The following EIF2S3B variants were observed in gnomAD, a reference collection of about 807,000 sequenced individuals.
EIF2S3B encodes eukaryotic translation initiation factor 2 subunit 3B.
A neutral mutation model predicts 26.4 loss-of-function variants in EIF2S3B; 16 were observed. The observed-to-expected ratio is 0.61, with a 90% CI of 0.41 to 0.92. The LOEUF is 0.92. Ranked by LOEUF, EIF2S3B falls within the 40% of genes least tolerant of loss-of-function variation. The pLI, the probability that EIF2S3B is intolerant of heterozygous loss-of-function variation, is 0.00. For synonymous variants in EIF2S3B, 183 were observed against 204.4 expected, an observed-to-expected ratio of 0.90 and a Z score of 0.89; for missense variants, 510 against 575.5, an observed-to-expected ratio of 0.89 and a Z score of 1.16.
chr12:10,519,219 T>C (rs903314183), intron 1 of EIF2S3B, among the ~76,000 whole-genome samples: 3 of 152,178 alleles, frequency 2.0e-5, no homozygotes, highest in Non-Finnish European at 4.4e-5. Flanking sequence ...TCTACAACTA[T>C]CTGATCTTTG....
chr12:10,506,254 C>CCTA lies in EIF2S3B; in HGVS notation c.353_354insTAC (p.Pro118_Gly119insThr), dbSNP rs771288196. The CCTA allele has an allele frequency of 6.2e-7, 1 of 1,611,170 alleles. No individual in the cohort carries two copies. Among genetic ancestry groups the CCTA allele is most frequent in the South Asian group, 1.1e-5 (1 of 91,010 alleles). On this transcript the variant is annotated inframe_insertion, in exon 1 of 1. Coordinates refer to ENST00000538173, the MANE Select transcript of EIF2S3B (RefSeq NM_001357734.3). ...GCCTGATGAGTTTCCTACAGACATT[C>CCTA]CAGGAACCAAAGGGAACTTCAGATT...
At chr12:10,511,501 G>A (rs1050432024), downstream of EIF2S3B, among the ~76,000 whole-genome samples, 2 of 151,926 alleles carry the variant, frequency 1.3e-5, no homozygotes, top group African/African-American at 4.8e-5. Flanking sequence ...TTGATGAAGT[G>A]GAAGTACAGT....
At chr12:10,510,281 C>G (rs373189191), downstream of EIF2S3B, among the ~76,000 whole-genome samples, 1 of 152,142 alleles carries the variant, frequency 6.6e-6, no homozygotes, top group South Asian at 2.1e-4. Context: ...CTAAAGGTAC[C>G]TCCACCAAAT....
intron 1 of EIF2S3B, among the ~76,000 whole-genome samples, chr12:10,519,014 A>G (rs868112447): frequency 0.031 from 4,631 of 150,402 alleles, 208 homozygotes; most frequent in African/African-American, 0.1. Flanking sequence ...ACTACTTTAA[A>G]GTTCATATGG....
chr12:10,506,849 C>A lies in EIF2S3B; in HGVS notation c.947C>A (p.Ser316Tyr), dbSNP rs1252161867. The A allele has an allele frequency of 1.2e-6, 2 of 1,613,550 alleles. No individual in the cohort carries two copies. Among genetic ancestry groups the A allele is most frequent in the Admixed American group, 3.3e-5 (2 of 60,022 alleles). The change falls in exon 1 of 1, where the codon TCC (serine) becomes TAC (tyrosine). Residue 316 changes from serine (S) to tyrosine (Y), a missense_variant. Ser to Tyr is a moderately radical substitution (Grantham distance 144, BLOSUM62 -2). Transcript: ENST00000538173. Reference sequence around the variant, plus strand: ...AAACTCATGTGTAAATCAATCTTTTCCAAAATTGTTTCACTTTTTGCGGAG... The same window carrying A: ...AAACTCATGTGTAAATCAATCTTTTACAAAATTGTTTCACTTTTTGCGGAG... ...EGKLMCKSIF[S>Y]KIVSLFAEHN...
intron 1 of EIF2S3B, among the ~76,000 whole-genome samples, chr12:10,519,525 A>G (rs996363180): frequency 7.9e-5 from 12 of 152,204 alleles, no homozygotes; most frequent in African/African-American, 2.6e-4. Flanking sequence ...TAATTAAACT[A>G]AAGAGCTTCT....
intron 1 of EIF2S3B, among the ~76,000 whole-genome samples, chr12:10,519,471 A>G (rs1864805583): frequency 6.6e-6 from 1 of 152,064 alleles, no homozygotes; most frequent in Non-Finnish European, 1.5e-5. Context: ...TGTCTAACAC[A>G]CCAAAAGCAA....
At chr12:10,515,320 TCTC>T (rs1381902354) in intron 1 of EIF2S3B, among the ~76,000 whole-genome samples, 5 of 151,866 alleles carry the variant, frequency 3.3e-5, no homozygotes, top group Non-Finnish European at 7.4e-5. Flanking sequence ...AAAAAAAACT[TCTC>T]CTTTCAACTG....
downstream of EIF2S3B, among the ~76,000 whole-genome samples, chr12:10,512,029 A>C (rs1864709770): frequency 1.3e-5 from 2 of 152,356 alleles, no homozygotes; most frequent in Middle Eastern, 3.4e-3. Context: ...GTTCCCAATT[A>C]TAACAAATGG....
At chr12:10,511,889 A>T (rs539736092), downstream of EIF2S3B, among the ~76,000 whole-genome samples, 65 of 152,210 alleles carry the variant, frequency 4.3e-4, no homozygotes, top group Middle Eastern at 6.8e-3. Context: ...TGGCTCTGTT[A>T]AAAAAAATTC....
chr12:10,518,625 A>T (rs1442542803), intron 1 of EIF2S3B, among the ~76,000 whole-genome samples: 1 of 152,106 alleles, frequency 6.6e-6, no homozygotes, highest in Non-Finnish European at 1.5e-5. Flanking sequence ...TTCTCAGCCC[A>T]AAATCTCCTT....
At chr12:10,518,466 C>T (rs1459646325) in intron 1 of EIF2S3B, among the ~76,000 whole-genome samples, 1 of 152,084 alleles carries the variant, frequency 6.6e-6, no homozygotes, top group Non-Finnish European at 1.5e-5. Flanking sequence ...GATCTTCCTC[C>T]ATTCTTTTAT....
chr12:10,511,195 G>A (rs1019579692), downstream of EIF2S3B, among the ~76,000 whole-genome samples: 2 of 148,390 alleles, frequency 1.3e-5, no homozygotes, highest in South Asian at 4.3e-4. Flanking sequence ...TAGAAAGAAG[G>A]TTTTTTTTTT....
In EIF2S3B at chr12:10,507,235, C is replaced by A. The variant is rs761200200; in HGVS notation, c.1333C>A (p.Arg445=). ...TEVGEKIALS[R]RVEKHWRLIG... The stretch of plus-strand genomic sequence containing the variant: ...GGTAGGAGAAAAAATTGCCCTTAGC[C>A]GAAGAGTTGAAAAACACTGGCGTTT... The change falls in exon 1 of 1, where the codon CGA becomes AGA. Residue 445 remains arginine, a synonymous_variant. Coordinates refer to ENST00000538173, the MANE Select transcript of EIF2S3B (RefSeq NM_001357734.3). 2 of 1,613,666 alleles carry A rather than the reference C, an allele frequency of 1.2e-6. No homozygotes were observed. Among genetic ancestry groups the A allele is most frequent in the Middle Eastern group, 1.6e-4 (1 of 6,062 alleles).
At chr12:10,516,082 T>C (rs1469952964) in intron 1 of EIF2S3B, among the ~76,000 whole-genome samples, 1 of 151,956 alleles carries the variant, frequency 6.6e-6, no homozygotes, top group Non-Finnish European at 1.5e-5. Flanking sequence ...TCTGAAATTT[T>C]TGTGTAATCA....
In EIF2S3B at chr12:10,506,439, C is replaced by A. The variant is rs765256016; in HGVS notation, c.537C>A (p.Ile179=). The change falls in exon 1 of 1, where the codon ATC becomes ATA. Residue 179 remains isoleucine (I), a synonymous_variant. Coordinates refer to ENST00000538173, the MANE Select transcript of EIF2S3B (RefSeq NM_001357734.3). ...CTGAACACCTGGCTGCTATAGAGAT[C>A]ATGAAACTGAAGCATATTTTGATTC... The part of the protein sequence containing the change: ...QTSEHLAAIE[I]MKLKHILILQ... The A allele has an allele frequency of 1.9e-5, 30 of 1,613,262 alleles. No individual in the cohort carries two copies. Among genetic ancestry groups the A allele is most frequent in the Admixed American group, 5.0e-5 (3 of 59,990 alleles).
At chr12:10,508,984 C>T (rs879269843), downstream of EIF2S3B, among the ~76,000 whole-genome samples, 1 of 152,110 alleles carries the variant, frequency 6.6e-6, no homozygotes, top group Non-Finnish European at 1.5e-5. Flanking sequence ...TAATACAATA[C>T]TTATCTTCTT....
At position 10,506,721 on chromosome 12, in the gene EIF2S3B, C is replaced by A. The variant is rs61753453; in HGVS notation, c.819C>A (p.Asp273Glu). 7.2e-4 allele frequency: 1,162 copies of A among 1,613,866 alleles called. 10 individuals are homozygous for A. In the African/African-American group the frequency reaches 0.013, roughly 18 times the overall value. ...DVNKPGCEVD[D>E]LKGGVAGGSI... ...ACAAACCTGGCTGTGAAGTTGATGACCTTAAGGGAGGTGTAGCTGGTGGTA... is the reference window on the plus strand; with the variant it reads ...ACAAACCTGGCTGTGAAGTTGATGAACTTAAGGGAGGTGTAGCTGGTGGTA... Residue 273 changes from aspartate (D) to glutamate (E), a missense_variant, in exon 1 of 1, where the codon GAC (aspartate) becomes GAA (glutamate). Asp to Glu is a conservative substitution (Grantham distance 45). Transcript: ENST00000538173.
At chr12:10,510,946 C>T (rs1438009567), downstream of EIF2S3B, among the ~76,000 whole-genome samples, 3 of 152,050 alleles carry the variant, frequency 2.0e-5, no homozygotes, top group African/African-American at 7.2e-5. Flanking sequence ...AGTAAAATTA[C>T]TCAAATCAAT....
Sources: gnomAD v4.1 joint callset for allele counts (sites outside exome capture counted in the v4.1 genomes callset) on GRCh38, gnomAD v4.1.1 for gene constraint, MANE v1.5 for transcripts, NCBI Gene and HGNC (gene_info 2026-07-23, HGNC 2026-07-21) for gene names.